The following PTPRD variants were observed in gnomAD, a reference collection of about 807,000 sequenced individuals.
PTPRD encodes receptor-type tyrosine-protein phosphatase delta.
In PTPRD, 34 loss-of-function variants were observed where a neutral mutation model predicts 214.5. That is an observed-to-expected ratio of 0.16 (90% CI 0.12 to 0.21). PTPRD has a LOEUF of 0.21. Among genes scored for constraint, PTPRD ranks in the 10% least tolerant of loss-of-function variants. The probability of loss-of-function intolerance (pLI) is 1.00; values close to 1 mark genes in which losing one functional copy is unlikely to be tolerated. For synonymous variants in PTPRD, 1,128 were observed against 845.7 expected (o/e 1.33, Z -5.79); for missense variants, 2,545 against 2,398.7 (o/e 1.06, Z -1.27).
chr9:9,488,944 T>G (rs1021108044), intron 8 of PTPRD, among the ~76,000 whole-genome samples: 1 of 152,212 alleles, frequency 6.6e-6, no homozygotes, highest in Non-Finnish European at 1.5e-5. Flanking sequence ...TGCTGATTGC[T>G]GCTTCTGAAC....
At chr9:10,141,684 A>T (rs1347908335) in intron 3 of PTPRD, among the ~76,000 whole-genome samples, 2 of 152,032 alleles carry the variant, frequency 1.3e-5, no homozygotes, top group Non-Finnish European at 2.9e-5. Flanking sequence ...GCCCAAGGTA[A>T]TTTACAGATT....
At chr9:10,362,682 C>T (rs1222019414) in intron 2 of PTPRD, among the ~76,000 whole-genome samples, 2 of 152,064 alleles carry the variant, frequency 1.3e-5, no homozygotes, top group Admixed American at 6.5e-5. Context: ...GAGATCGAGA[C>T]CAGCCTGGCC....
chr9:8,604,975 T>C (rs2095117619), intron 14 of PTPRD, among the ~76,000 whole-genome samples: 2 of 152,164 alleles, frequency 1.3e-5, no homozygotes, highest in South Asian at 2.1e-4. Context: ...TTAGGAACAA[T>C]AGCAATTTGA....
intron 12 of PTPRD, among the ~76,000 whole-genome samples, chr9:8,687,369 A>G (rs2097702359): frequency 6.6e-6 from 1 of 152,250 alleles, no homozygotes; most frequent in Non-Finnish European, 1.5e-5. Flanking sequence ...CAGATTCAGA[A>G]ATAAAACTAT....
At chr9:10,068,485 CA>C (rs571350534) in intron 3 of PTPRD, among the ~76,000 whole-genome samples, 152 of 152,064 alleles carry the variant, frequency 1.0e-3, no homozygotes, top group Non-Finnish European at 1.7e-3. Context: ...TGCCCTTTCA[CA>C]CACAAACTAC....
intron 2 of PTPRD, among the ~76,000 whole-genome samples, chr9:10,587,628 T>G (rs1373164665): frequency 6.6e-6 from 1 of 152,088 alleles, no homozygotes; most frequent in African/African-American, 2.4e-5. Context: ...ATCTGAGATT[T>G]GGAGAAGCCA....
intron 11 of PTPRD, among the ~76,000 whole-genome samples, chr9:9,015,054 C>T (rs575711989): frequency 1.3e-4 from 19 of 151,980 alleles, no homozygotes; most frequent in Non-Finnish European, 2.5e-4. Flanking sequence ...TATTTAAAAT[C>T]AATTTGTGTA....
intron 8 of PTPRD, among the ~76,000 whole-genome samples, chr9:9,502,544 T>C (rs939058218): frequency 2.6e-5 from 4 of 152,068 alleles, no homozygotes; most frequent in African/African-American, 7.2e-5. Context: ...CTTATGACCT[T>C]ACACATTCAC....
chr9:9,778,659 A>C (rs2098818695), intron 5 of PTPRD, among the ~76,000 whole-genome samples: 1 of 152,128 alleles, frequency 6.6e-6, no homozygotes, highest in Non-Finnish European at 1.5e-5. Context: ...ACAGGTACAC[A>C]GTGTAGCCTT....
intron 9 of PTPRD, among the ~76,000 whole-genome samples, chr9:9,368,200 TTAACCAAG>T (rs559881425): frequency 7.9e-4 from 120 of 151,906 alleles, no homozygotes; most frequent in African/African-American, 2.7e-3. Context: ...CTTCCACTTA[TTAACCAAG>T]TGACCCTAGT....
intron 36 of PTPRD, among the ~76,000 whole-genome samples, chr9:8,403,593 T>A (rs2092672666): frequency 6.6e-6 from 1 of 152,190 alleles, no homozygotes; most frequent in Admixed American, 6.5e-5. Context: ...AAGGGATTTA[T>A]CATTGGAAAA....
chr9:8,951,248 A>G (rs2099100444), intron 11 of PTPRD, among the ~76,000 whole-genome samples: 1 of 150,722 alleles, frequency 6.6e-6, no homozygotes, highest in Non-Finnish European at 1.5e-5. Flanking sequence ...TCTTTCTGGT[A>G]TACTACACTT....
intron 7 of PTPRD, among the ~76,000 whole-genome samples, chr9:9,677,335 C>G (rs2096954521): frequency 6.6e-6 from 1 of 151,970 alleles, no homozygotes; most frequent in Non-Finnish European, 1.5e-5. Context: ...CCAGTTTCAG[C>G]TTTCTACATA....
intron 9 of PTPRD, among the ~76,000 whole-genome samples, chr9:9,296,059 G>A (rs1011352911): frequency 1.3e-5 from 2 of 151,702 alleles, no homozygotes; most frequent in African/African-American, 4.8e-5. Context: ...ATCTCATCGG[G>A]CACATTCTCA....
intron 8 of PTPRD, among the ~76,000 whole-genome samples, chr9:9,545,188 C>T (rs114184096): frequency 4.5e-4 from 69 of 151,836 alleles, no homozygotes; most frequent in African/African-American, 1.6e-3. Flanking sequence ...TCACTCTATG[C>T]ATGAGTTCAA....
chr9:10,530,567 A>C (rs2055932805), intron 2 of PTPRD, among the ~76,000 whole-genome samples: 1 of 152,172 alleles, frequency 6.6e-6, no homozygotes, highest in Non-Finnish European at 1.5e-5. Flanking sequence ...GTGCTGATTC[A>C]GGGAAAGCAT....
intron 37 of PTPRD, among the ~76,000 whole-genome samples, chr9:8,381,459 G>A (rs1165881029): frequency 6.6e-6 from 1 of 152,134 alleles, no homozygotes; most frequent in South Asian, 2.1e-4. Context: ...TTTAACAACA[G>A]TGTAGTTCTC....
At chr9:10,564,712 G>A (rs989838283) in intron 2 of PTPRD, among the ~76,000 whole-genome samples, 5 of 152,038 alleles carry the variant, frequency 3.3e-5, no homozygotes, top group African/African-American at 1.2e-4. Context: ...TCTACCTTTT[G>A]CTGTTCTAGC....
intron 9 of PTPRD, among the ~76,000 whole-genome samples, chr9:9,329,230 A>T (rs903190540): frequency 6.6e-6 from 1 of 152,072 alleles, no homozygotes; most frequent in African/African-American, 2.4e-5. Context: ...ATTGTTTGTA[A>T]GTTCATGCAA....
Sources: allele counts gnomAD v4.1 joint callset (sites outside exome capture counted in the v4.1 genomes callset), GRCh38; gene constraint gnomAD v4.1.1; transcripts MANE v1.5; gene names NCBI Gene and HGNC (gene_info 2026-07-23, HGNC 2026-07-21).